ADAMTS12: variants seen among roughly 807,000 people sequenced by gnomAD.
ADAMTS12 encodes ADAM metallopeptidase with thrombospondin type 1 motif 12.
A neutral mutation model predicts 167.8 loss-of-function variants in ADAMTS12; 118 were observed. The ratio of observed to expected loss-of-function variants is 0.70; its 90% CI spans 0.61 to 0.82. The LOEUF is 0.82. Ranked by LOEUF, ADAMTS12 falls within the 40% of genes least tolerant of loss-of-function variation. The pLI is 0.00. For synonymous variants in ADAMTS12, 704 were observed against 716.9 expected (o/e 0.98, Z 0.29); for missense variants, 1,916 against 1,998.8 (o/e 0.96, Z 0.79).
chr5:33,635,804 G>T (rs558566209), intron 12 of ADAMTS12, among the ~76,000 whole-genome samples: 1 of 152,322 alleles, frequency 6.6e-6, no homozygotes, highest in East Asian at 1.9e-4. Context: ...AATGGGGAAA[G>T]TCATCAGTGT....
chr5:33,673,681 A>AC (rs79346432), intron 5 of ADAMTS12, among the ~76,000 whole-genome samples: 144,914 of 152,100 alleles, frequency 0.95, 69,427 homozygotes, highest in Non-Finnish European at 1. Flanking sequence ...CCATATCATG[A>AC]CCATGGCTCA....
chr5:33,629,935 C>G (rs1739844083), intron 13 of ADAMTS12, among the ~76,000 whole-genome samples: 1 of 151,888 alleles, frequency 6.6e-6, no homozygotes, highest in Admixed American at 6.6e-5. Flanking sequence ...GTTAACTGAC[C>G]TTATTTAATC....
chr5:33,693,262 A>G (rs958393253), intron 3 of ADAMTS12, among the ~76,000 whole-genome samples: 32 of 152,252 alleles, frequency 2.1e-4, no homozygotes. Context: ...AAAATTCTCT[A>G]TAATTAGAGA....
At chr5:33,762,313 C>T (rs948522554) in intron 2 of ADAMTS12, among the ~76,000 whole-genome samples, 1 of 151,970 alleles carries the variant, frequency 6.6e-6, no homozygotes, top group African/African-American at 2.4e-5. Context: ...TCGAGACCAT[C>T]CTGGCTAACA....
At chr5:33,602,964 G>C (rs1738261881) in intron 16 of ADAMTS12, among the ~76,000 whole-genome samples, 1 of 152,172 alleles carries the variant, frequency 6.6e-6, no homozygotes, top group Non-Finnish European at 1.5e-5. Context: ...TGAACAAAGG[G>C]AGAATGACTT....
At chr5:33,531,458 A>G (rs1409911339) in intron 23 of ADAMTS12, among the ~76,000 whole-genome samples, 2 of 152,226 alleles carry the variant, frequency 1.3e-5, no homozygotes, top group South Asian at 2.1e-4. Context: ...GCAGAAATCA[A>G]TAGATGTGGG....
chr5:33,851,502 A>C (rs1275658789), intron 2 of ADAMTS12, among the ~76,000 whole-genome samples: 2 of 152,238 alleles, frequency 1.3e-5, no homozygotes, highest in African/African-American at 4.8e-5. Flanking sequence ...AATTGAATTA[A>C]AAGGATTTAC....
At position 33,576,300 on chromosome 5, in the gene ADAMTS12, T is replaced by C. The variant is rs1746712282; in HGVS notation, c.3726A>G (p.Glu1242=). ...GAGGGAGCAGAGTGTTGGCTGGCTTTTCAGTAACCATCCCCTCAACTCTGG... is the reference window on the plus strand; with the variant it reads ...GAGGGAGCAGAGTGTTGGCTGGCTTCTCAGTAACCATCCCCTCAACTCTGG... ...GTPRVEGMVT[E]KPANTLLPLG... Residue 1242 remains glutamate (E), a synonymous_variant, in exon 19 of 24, where the codon GAA becomes GAG. Transcript: ENST00000504830. 1 of 1,614,190 alleles carries C rather than the reference T, an allele frequency of 6.2e-7. No individual in the cohort carries two copies. The highest frequency in any genetic ancestry group is 1.7e-5 in the Admixed American group (1 of 60,018).
At chr5:33,619,208 A>G (rs1006491250) in intron 14 of ADAMTS12, among the ~76,000 whole-genome samples, 1 of 152,204 alleles carries the variant, frequency 6.6e-6, no homozygotes, top group African/African-American at 2.4e-5. Context: ...CTCATTGTCC[A>G]GGCCTTCTCC....
chr5:33,826,697 A>C (rs1748085261), intron 2 of ADAMTS12, among the ~76,000 whole-genome samples: 1 of 152,130 alleles, frequency 6.6e-6, no homozygotes, highest in Non-Finnish European at 1.5e-5. Context: ...AATAACCTAA[A>C]TTAATAATGA....
At chr5:33,738,022 C>A (rs944487652) in intron 3 of ADAMTS12, among the ~76,000 whole-genome samples, 8 of 152,152 alleles carry the variant, frequency 5.3e-5, no homozygotes, top group Non-Finnish European at 1.2e-4. Flanking sequence ...ACTGTTAAGC[C>A]CTCACCTTAA....
chr5:33,875,455 T>C (rs1750195505), intron 2 of ADAMTS12, among the ~76,000 whole-genome samples: 1 of 152,234 alleles, frequency 6.6e-6, no homozygotes, highest in Admixed American at 6.5e-5. Context: ...ATCTCTTTAC[T>C]TTCCTCTCAG....
intron 2 of ADAMTS12, among the ~76,000 whole-genome samples, chr5:33,832,580 T>C (rs1748341096): frequency 6.6e-6 from 1 of 152,246 alleles, no homozygotes; most frequent in South Asian, 2.1e-4. Flanking sequence ...CATTAAAGAC[T>C]CAGCAAAACG....
chr5:33,768,639 G>GT (rs1745631878), intron 2 of ADAMTS12, among the ~76,000 whole-genome samples: 1 of 151,884 alleles, frequency 6.6e-6, no homozygotes, highest in African/African-American at 2.4e-5. Flanking sequence ...AATTTATAAG[G>GT]TTTTTAATGT....
intron 2 of ADAMTS12, among the ~76,000 whole-genome samples, chr5:33,817,798 A>C (rs1561288058): frequency 6.6e-6 from 1 of 152,196 alleles, no homozygotes; most frequent in Non-Finnish European, 1.5e-5. Context: ...GTCAGTATTC[A>C]GATGTCCCTG....
chr5:33,890,374 A>C (rs1750798372), intron 1 of ADAMTS12, among the ~76,000 whole-genome samples: 1 of 152,210 alleles, frequency 6.6e-6, no homozygotes, highest in African/African-American at 2.4e-5. Flanking sequence ...CGTTTACACA[A>C]GTGAGTGCTG....
intron 8 of ADAMTS12, 119 bp from the exon 9 acceptor site, chr5:33,649,085 T>C (rs1021099375): frequency 7.9e-7 from 1 of 1,270,404 alleles, no homozygotes; most frequent in Non-Finnish European, 1.1e-6. Context: ...ACTTTATTTT[T>C]TACAAGGCAG....
At chr5:33,728,935 CATG>C (rs1282857267) in intron 3 of ADAMTS12, among the ~76,000 whole-genome samples, 3 of 152,132 alleles carry the variant, frequency 2.0e-5, no homozygotes, top group Non-Finnish European at 4.4e-5. Flanking sequence ...TGTATATGTA[CATG>C]ATATATCATA....
chr5:33,607,128 T>G (rs1738482058), intron 16 of ADAMTS12, among the ~76,000 whole-genome samples: 1 of 152,194 alleles, frequency 6.6e-6, no homozygotes. Context: ...AAGGATCATC[T>G]GAAGCATTCT....
Sources: allele counts gnomAD v4.1 joint callset (sites outside exome capture counted in the v4.1 genomes callset), GRCh38; gene constraint gnomAD v4.1.1; transcripts MANE v1.5; gene names NCBI Gene and HGNC (gene_info 2026-07-23, HGNC 2026-07-21).